SLC5A10: variants seen among roughly 807,000 people sequenced by gnomAD.
SLC5A10 encodes the protein solute carrier family 5 member 10.
SLC5A10 carries 55 observed loss-of-function variants against 68.9 expected under a neutral mutation model. The observed-to-expected ratio is 0.80, with a 90% CI of 0.64 to 1.00. The LOEUF is 1.00. Ranked by LOEUF, SLC5A10 falls within the 50% of genes least tolerant of loss-of-function variation. SLC5A10 has a pLI of 0.00. For missense variants in SLC5A10, 732 were observed against 819.3 expected (o/e 0.89, Z 1.30); for synonymous variants, 344 against 344.8 (o/e 1.00, Z 0.02).
intron 5 of SLC5A10, among the ~76,000 whole-genome samples, chr17:18,965,993 A>T (rs1296555479): frequency 6.6e-6 from 1 of 152,194 alleles, no homozygotes; most frequent in African/African-American, 2.4e-5. Context: ...GCACTGGGGG[A>T]GACCTGAAAG....
intron 11 of SLC5A10, among the ~76,000 whole-genome samples, chr17:19,016,882 C>A (rs2044151705): frequency 1.3e-5 from 2 of 152,184 alleles, no homozygotes; most frequent in Non-Finnish European, 2.9e-5. Context: ...GCATCCTGGG[C>A]CCTGGGAACT....
chr17:19,019,156 T>C (rs1265089138), intron 11 of SLC5A10: 1 of 445,402 alleles, frequency 2.2e-6, no homozygotes, highest in African/African-American at 2.0e-5. Context: ...CTCCAAGGGC[T>C]GGCTCCGCAG....
intron 9 of SLC5A10, among the ~76,000 whole-genome samples, chr17:18,991,515 G>C (rs946787417): frequency 6.6e-6 from 1 of 152,166 alleles, no homozygotes; most frequent in African/African-American, 2.4e-5. Flanking sequence ...AAATGAGAGG[G>C]GAGGCTGACT....
chr17:19,001,753 C>T (rs949244145), intron 9 of SLC5A10, among the ~76,000 whole-genome samples: 1 of 152,196 alleles, frequency 6.6e-6, no homozygotes, highest in African/African-American at 2.4e-5. Flanking sequence ...CTGGGGTCAG[C>T]AGGTGAAGTC....
intron 9 of SLC5A10, among the ~76,000 whole-genome samples, chr17:19,002,061 CA>C (rs1370545319): frequency 2.0e-5 from 3 of 152,200 alleles, no homozygotes; most frequent in Non-Finnish European, 2.9e-5. Flanking sequence ...CTCCACACCA[CA>C]GCAGGTGTGG....
chr17:19,017,521 C>G lies in SLC5A10; in HGVS notation c.1242-1902C>G. ...CGGGTGCAGTACCATGCCGGTGACC[C>G]TGATGGCTCTGTCCAGCTGAGCAGA... On this transcript the variant is annotated intron_variant, in intron 11 of 14. Transcript: ENST00000395645. This position sits in a 1 kb window ranked among gnomAD's most constrained non-coding sequence, Gnocchi z 5.6. 1 of 844,376 alleles carries G rather than the reference C, an allele frequency of 1.2e-6. No homozygotes were observed. Among genetic ancestry groups the G allele is most frequent in the Non-Finnish European group, 1.9e-6 (1 of 532,806 alleles). 52.3% of individuals were successfully genotyped at this position (844,376 alleles called of 1,614,324 possible).
rs368484119 is a variant in SLC5A10, at chr17:18,964,541, A to G, written c.453+3889A>G. Among the ~76,000 whole-genome samples, 62 of 152,364 alleles carry G rather than the reference A, an allele frequency of 4.1e-4. No homozygotes were observed. In the South Asian group the frequency reaches 0.013, roughly 31 times the overall value. On this transcript the variant is annotated intron_variant, in intron 5 of 14. Transcript: ENST00000395645. ...AGACAGGGGGTAAGGAAACAGACCA[A>G]GGAAATCATAAGAAATGGTAAAAGT...
chr17:19,015,839 C>G (rs1461216735), intron 11 of SLC5A10, among the ~76,000 whole-genome samples: 3 of 152,198 alleles, frequency 2.0e-5, no homozygotes, highest in Non-Finnish European at 4.4e-5. Flanking sequence ...TCCCCGACAC[C>G]CTTCTCCAAA....
rs773509730 is a variant in SLC5A10, at chr17:18,971,692, G to A, written c.846+474G>A. 6.2e-7 allele frequency: 1 copy of A among 1,607,940 alleles called. No individual in the cohort carries two copies. The highest frequency in any genetic ancestry group is 8.5e-7 in the Non-Finnish European group (1 of 1,176,154). On this transcript the variant is annotated intron_variant, in intron 8 of 14. Transcript: ENST00000395645. This position sits in a 1 kb window ranked among gnomAD's most constrained non-coding sequence, Gnocchi z 5.5. ...AGCGGTACCTAGGGGGTCCTGGGAAGCCGTCTTTATCCCTAGTCCCTGAGG... is the reference window on the plus strand; with the variant it reads ...AGCGGTACCTAGGGGGTCCTGGGAAACCGTCTTTATCCCTAGTCCCTGAGG...
intron 1 of SLC5A10, among the ~76,000 whole-genome samples, chr17:18,958,133 C>T (rs2042540062): frequency 6.6e-6 from 1 of 152,218 alleles, no homozygotes; most frequent in South Asian, 2.1e-4. Flanking sequence ...TGCAGTGGCA[C>T]AATCACCGCT....
At chr17:18,991,632 C>A (rs2043427532) in intron 9 of SLC5A10, among the ~76,000 whole-genome samples, 1 of 152,214 alleles carries the variant, frequency 6.6e-6, no homozygotes, top group Admixed American at 6.5e-5. Flanking sequence ...CAGGAACCAG[C>A]CATGTCCATG....
intron 9 of SLC5A10, among the ~76,000 whole-genome samples, chr17:18,994,421 A>G (rs1390096259): frequency 6.6e-6 from 1 of 152,156 alleles, no homozygotes; most frequent in Non-Finnish European, 1.5e-5. Flanking sequence ...TGCAGGACGG[A>G]GTGCCGCAGG....
chr17:19,004,197 T>G lies in SLC5A10; in HGVS notation c.983-9213T>G. On this transcript the variant is annotated intron_variant, in intron 9 of 14. Transcript: ENST00000395645. The surrounding 1 kb of genome is among the most constrained non-coding windows in gnomAD (Gnocchi z 5.4). ...GCGGGAAAGACCTGATGAGCCCGGC[T>G]CGGCGGGGAGGGCGGGCCGCGCGGG... 3 of 348,488 alleles carry G rather than the reference T, an allele frequency of 8.6e-6. No homozygotes were observed. The highest frequency in any genetic ancestry group is 1.5e-4 in the East Asian group (1 of 6,652). 21.6% of individuals were successfully genotyped at this position (348,488 alleles called of 1,614,324 possible).
At chr17:19,015,697 C>A (rs986735471) in intron 11 of SLC5A10, among the ~76,000 whole-genome samples, 1 of 152,214 alleles carries the variant, frequency 6.6e-6, no homozygotes, top group Non-Finnish European at 1.5e-5. Flanking sequence ...CTGGACTCTG[C>A]CTGTGTCCCC....
intron 1 of SLC5A10, 114 bp downstream of exon 1, chr17:18,952,430 T>A: frequency 7.6e-7 from 1 of 1,312,690 alleles, no homozygotes; most frequent in Non-Finnish European, 1.0e-6. Context: ...GCTGGTGGCC[T>A]AGTGATCCTT....
At chr17:19,001,643 CT>C (rs2043731705) in intron 9 of SLC5A10, among the ~76,000 whole-genome samples, 1 of 152,190 alleles carries the variant, frequency 6.6e-6, no homozygotes, top group Non-Finnish European at 1.5e-5. Flanking sequence ...CACTAATAAC[CT>C]TGTGGGACTT....
intron 9 of SLC5A10, among the ~76,000 whole-genome samples, chr17:18,989,715 T>C (rs1490031978): frequency 3.3e-5 from 5 of 152,176 alleles, no homozygotes; most frequent in Non-Finnish European, 7.4e-5. Context: ...CCCCGCACGT[T>C]CCCATTTACA....
In SLC5A10 at chr17:19,003,674, T is replaced by G; in HGVS notation, c.983-9736T>G. 2.5e-6 allele frequency: 4 copies of G among 1,611,522 alleles called. No homozygotes were observed. Among genetic ancestry groups the G allele is most frequent in the Non-Finnish European group, 2.5e-6 (3 of 1,179,198 alleles). On this transcript the variant is annotated intron_variant, in intron 9 of 14. Transcript: ENST00000395645. This position sits in a 1 kb window ranked among gnomAD's most constrained non-coding sequence, Gnocchi z 4.5. Reference sequence around the variant, plus strand: ...CAGCTGCGGGATGGAGCGGTCCGACTTCTGGGGCCAGTACTCCAGGGAGGG... The same window carrying G: ...CAGCTGCGGGATGGAGCGGTCCGACGTCTGGGGCCAGTACTCCAGGGAGGG...
chr17:18,955,935 C>T lies in SLC5A10; in HGVS notation c.112-2747C>T, dbSNP rs373016555. On this transcript the variant is annotated intron_variant, in intron 1 of 14. Coordinates refer to ENST00000395645, the MANE Select transcript of SLC5A10 (RefSeq NM_001042450.4). The stretch of plus-strand genomic sequence containing the variant: ...ATAGGCCGGGCGCGGTGGCTCATGC[C>T]TGTAATCCCAGCACTTTGGGAGGCC... Among the ~76,000 whole-genome samples, 10 of 152,340 alleles carry T rather than the reference C, an allele frequency of 6.6e-5. No homozygotes were observed. In the South Asian group the frequency reaches 8.3e-4, roughly 13 times the overall value.
Sources: allele counts gnomAD v4.1 joint callset (sites outside exome capture counted in the v4.1 genomes callset), GRCh38; gene constraint gnomAD v4.1.1; non-coding constraint Gnocchi (gnomAD v3.1); transcripts MANE v1.5; gene names NCBI Gene and HGNC (gene_info 2026-07-23, HGNC 2026-07-21).